RAD51B: variants seen among roughly 807,000 people sequenced by gnomAD.
RAD51B encodes DNA repair protein RAD51 homolog 2.
Under a neutral mutation model 42.2 loss-of-function variants are expected in RAD51B, and 38 were observed. The observed-to-expected ratio is 0.90, with a 90% confidence interval of 0.70 to 1.18. The LOEUF (loss-of-function observed/expected upper bound fraction) is 1.18, where lower values mean the gene tolerates loss of function less well. RAD51B is among the 50% of genes most tolerant of loss of function. The pLI, the probability that RAD51B is intolerant of heterozygous loss-of-function variation, is 0.00. For missense variants in RAD51B, 373 were observed against 400.7 expected (o/e 0.93, Z 0.59); for synonymous variants, 154 against 145.2 (o/e 1.06, Z -0.43).
At chr14:68,227,864 A>G (rs1020989352) in intron 7 of RAD51B, among the ~76,000 whole-genome samples, 1 of 152,186 alleles carries the variant, frequency 6.6e-6, no homozygotes, top group African/African-American at 2.4e-5. Context: ...CTGGCCATTC[A>G]TGAATTTAAT....
chr14:68,060,214 C>T (rs1158907984), intron 7 of RAD51B, among the ~76,000 whole-genome samples: 5 of 152,116 alleles, frequency 3.3e-5, no homozygotes, highest in African/African-American at 4.8e-5. Context: ...TATATGTATG[C>T]ACATGTTCCC....
At chr14:68,120,584 T>A (rs2077632444) in intron 7 of RAD51B, among the ~76,000 whole-genome samples, 1 of 152,176 alleles carries the variant, frequency 6.6e-6, no homozygotes, top group South Asian at 2.1e-4. Flanking sequence ...TTTTTTTTCC[T>A]GATATATTCA....
At chr14:68,419,743 G>T (rs996392646) in intron 9 of RAD51B, among the ~76,000 whole-genome samples, 1 of 152,192 alleles carries the variant, frequency 6.6e-6, no homozygotes, top group African/African-American at 2.4e-5. Flanking sequence ...GATCTTGCGA[G>T]CATGGGAGCT....
intron 11 of RAD51B, among the ~76,000 whole-genome samples, chr14:68,651,717 G>A (rs944453908): frequency 1.3e-5 from 2 of 152,172 alleles, no homozygotes; most frequent in Non-Finnish European, 2.9e-5. Context: ...GCTTGGCACC[G>A]TCTCTTTAAA....
intron 7 of RAD51B, among the ~76,000 whole-genome samples, chr14:68,237,396 G>C (rs2080282506): frequency 6.6e-6 from 1 of 152,156 alleles, no homozygotes; most frequent in African/African-American, 2.4e-5. Context: ...AGGAGCCTTA[G>C]TTTCAAAATA....
intron 7 of RAD51B, among the ~76,000 whole-genome samples, chr14:67,933,339 G>A (rs1423774801): frequency 2.6e-5 from 4 of 152,194 alleles, no homozygotes; most frequent in Admixed American, 6.5e-5. Context: ...ATCCCAGAAT[G>A]TGGAGATATG....
intron 7 of RAD51B, among the ~76,000 whole-genome samples, chr14:68,141,486 A>G (rs2140727550): frequency 6.6e-6 from 1 of 152,338 alleles, no homozygotes; most frequent in Admixed American, 6.5e-5. Context: ...CAGCTTAATC[A>G]TGATTGCATC....
At position 68,477,751 on chromosome 14, in the gene RAD51B, G is replaced by C. The variant is rs2140255452; in HGVS notation, c.*87G>C. On this transcript the variant is annotated 3_prime_UTR_variant, in exon 11 of 11. Coordinates refer to ENST00000471583, the MANE Select transcript of RAD51B (RefSeq NM_133510.4). ...TACTGCTTGGAAGAAGGAAACGGAAGCTGACATAATGGGGATTAATTAGTT... is the reference window on the plus strand; with the variant it reads ...TACTGCTTGGAAGAAGGAAACGGAACCTGACATAATGGGGATTAATTAGTT... 2 of 1,577,862 alleles carry C rather than the reference G, an allele frequency of 1.3e-6. No homozygotes were observed. Among genetic ancestry groups the C allele is most frequent in the Non-Finnish European group, 1.7e-6 (2 of 1,169,090 alleles).
At position 67,892,921 on chromosome 14, in the gene RAD51B, C is replaced by T. The variant is rs1174382173; in HGVS notation, c.756+5717C>T. 2.6e-5 allele frequency among the ~76,000 whole-genome samples: 4 copies of T among 152,320 alleles called. No homozygotes were observed. The East Asian group carries it at 5.8e-4, about 22-fold the overall frequency. ...GGGAGAGGACACCTGGAATCTTGCACCTGGTTTCTCCTGGACTTTGCTTAT... is the reference window on the plus strand; with the variant it reads ...GGGAGAGGACACCTGGAATCTTGCATCTGGTTTCTCCTGGACTTTGCTTAT... On this transcript the variant is annotated intron_variant, in intron 7 of 10. Coordinates refer to ENST00000471583, the MANE Select transcript of RAD51B (RefSeq NM_133510.4).
intron 7 of RAD51B, among the ~76,000 whole-genome samples, chr14:68,279,016 A>G (rs1005090983): frequency 1.3e-5 from 2 of 151,826 alleles, no homozygotes; most frequent in Admixed American, 1.3e-4. Context: ...TTCTCAGTAC[A>G]TTCCACAAAG....
intron 7 of RAD51B, among the ~76,000 whole-genome samples, chr14:68,195,538 A>G (rs962451629): frequency 4.6e-5 from 7 of 152,250 alleles, no homozygotes; most frequent in Non-Finnish European, 1.0e-4. Flanking sequence ...CTATGTATCT[A>G]TAAGTAAATC....
At chr14:67,872,411 ACAAAC>A (rs2042569992) in intron 5 of RAD51B, among the ~76,000 whole-genome samples, 1 of 133,214 alleles carries the variant, frequency 7.5e-6, no homozygotes, top group African/African-American at 2.9e-5. Context: ...AAGGAGAACT[ACAAAC>A]CACTGCTCAA....
chr14:68,113,764 C>T (rs1377069220), intron 7 of RAD51B: 1 of 152,074 alleles, frequency 6.6e-6, no homozygotes, highest in East Asian at 1.9e-4. Context: ...ACAGTCACTG[C>T]ATTGATAGGC....
intron 7 of RAD51B, among the ~76,000 whole-genome samples, chr14:68,175,420 C>T (rs1284703130): frequency 6.6e-6 from 1 of 152,156 alleles, no homozygotes; most frequent in East Asian, 1.9e-4. Context: ...TGCACTTGTC[C>T]ATGGTTCTCC....
intron 7 of RAD51B, among the ~76,000 whole-genome samples, chr14:68,005,270 T>C (rs1311499728): frequency 6.6e-6 from 1 of 152,038 alleles, no homozygotes; most frequent in Non-Finnish European, 1.5e-5. Flanking sequence ...GTCAGGCTGA[T>C]CTCGAACTCC....
At chr14:68,432,845 G>T (rs557951844) in intron 9 of RAD51B, among the ~76,000 whole-genome samples, 1 of 152,166 alleles carries the variant, frequency 6.6e-6, no homozygotes, top group East Asian at 1.9e-4. Context: ...TCCTGGCATC[G>T]ATGGTCTTTA....
intron 7 of RAD51B, among the ~76,000 whole-genome samples, chr14:68,071,793 G>A (rs907150589): frequency 5.3e-5 from 8 of 151,680 alleles, no homozygotes; most frequent in African/African-American, 1.9e-4. Flanking sequence ...GAGTAAGGGA[G>A]GAGTCTCTTC....
chr14:68,392,606 G>A (rs2083790720), intron 8 of RAD51B, among the ~76,000 whole-genome samples: 1 of 152,138 alleles, frequency 6.6e-6, no homozygotes, highest in Non-Finnish European at 1.5e-5. Flanking sequence ...GAGGAATGAG[G>A]CCCACGTGAT....
chr14:68,496,804 G>T (rs1211013534), intron 10 of RAD51B, among the ~76,000 whole-genome samples: 1 of 152,186 alleles, frequency 6.6e-6, no homozygotes, highest in Non-Finnish European at 1.5e-5. Context: ...TGACTTCAAG[G>T]GTTCAGGTGC....
Sources: gnomAD v4.1 joint callset for allele counts (sites outside exome capture counted in the v4.1 genomes callset) on GRCh38, gnomAD v4.1.1 for gene constraint, MANE v1.5 for transcripts, NCBI Gene and HGNC (gene_info 2026-07-23, HGNC 2026-07-21) for gene names.